Variants in CABLES1 observed in about 807,000 individuals in gnomAD.
CABLES1 encodes the protein Cdk5 and Abl enzyme substrate 1, also known as CDK5 and ABL1 enzyme substrate 1.
A neutral mutation model predicts 57.8 loss-of-function variants in CABLES1; 36 were observed. The observed-to-expected ratio is 0.62, with a 90% CI of 0.48 to 0.82. The LOEUF is 0.82. Ranked by LOEUF, CABLES1 falls within the 40% of genes least tolerant of loss-of-function variation. The probability of loss-of-function intolerance (pLI) is 0.00; values close to 1 mark genes in which losing one functional copy is unlikely to be tolerated. For synonymous variants in CABLES1, 374 were observed against 363.0 expected, an observed-to-expected ratio of 1.03 and a Z score of -0.35; for missense variants, 767 against 836.6, an observed-to-expected ratio of 0.92 and a Z score of 1.03.
chr18:23,192,276 G>A (rs561865836), intron 2 of CABLES1, among the ~76,000 whole-genome samples: 2 of 152,364 alleles, frequency 1.3e-5, no homozygotes, highest in Admixed American at 1.3e-4. Flanking sequence ...ATCGGCACCT[G>A]CCCTGGTTTT....
intron 7 of CABLES1, among the ~76,000 whole-genome samples, chr18:23,248,532 TTTTTTTAAA>T (rs1400699507): frequency 1.5e-5 from 2 of 137,248 alleles, no homozygotes; most frequent in Admixed American, 8.4e-5. Context: ...TTTTTTTTTT[TTTTTTTAAA>T]AAAAGGCTGG....
chr18:23,169,911 G>GT (rs2047070465), intron 1 of CABLES1, among the ~76,000 whole-genome samples: 1 of 152,160 alleles, frequency 6.6e-6, no homozygotes, highest in East Asian at 1.9e-4. Context: ...CCGCCACTGT[G>GT]TGGGGTCATG....
intron 9 of CABLES1, among the ~76,000 whole-genome samples, chr18:23,254,824 A>AATCAC (rs2048123412): frequency 2.6e-5 from 4 of 152,160 alleles, no homozygotes; most frequent in Non-Finnish European, 5.9e-5. Flanking sequence ...CAAAGGCCCC[A>AATCAC]TCTCCTAATA....
At chr18:23,219,643 G>A (rs183995010) in intron 4 of CABLES1, among the ~76,000 whole-genome samples, 47 of 152,314 alleles carry the variant, frequency 3.1e-4, no homozygotes, top group Admixed American at 1.7e-3. Context: ...ACAGGAGTGA[G>A]CTCTGACATA....
intron 7 of CABLES1, among the ~76,000 whole-genome samples, chr18:23,246,539 C>T (rs1340443651): frequency 2.0e-5 from 3 of 151,848 alleles, no homozygotes; most frequent in South Asian, 2.1e-4. Flanking sequence ...CTACAGGCAC[C>T]CGCCACCACA....
chr18:23,147,555 G>T (rs1269106985), intron 1 of CABLES1, among the ~76,000 whole-genome samples: 1 of 152,192 alleles, frequency 6.6e-6, no homozygotes, highest in Non-Finnish European at 1.5e-5. Context: ...GACAAGGTCT[G>T]CTCTGATCGT....
chr18:23,235,157 C>T (rs1310734070), intron 5 of CABLES1, among the ~76,000 whole-genome samples: 4 of 152,154 alleles, frequency 2.6e-5, no homozygotes, highest in Admixed American at 6.5e-5. Context: ...CCACATGCAA[C>T]GAGTCGTGGG....
At chr18:23,236,759 G>A (rs369475030) in intron 6 of CABLES1, among the ~76,000 whole-genome samples, 2 of 152,294 alleles carry the variant, frequency 1.3e-5, no homozygotes, top group African/African-American at 2.4e-5. Context: ...GCACCAAATC[G>A]TGCTGCACAG....
intron 1 of CABLES1, among the ~76,000 whole-genome samples, chr18:23,169,716 A>G (rs1015538670): frequency 3.0e-4 from 45 of 152,376 alleles, no homozygotes; most frequent in Non-Finnish European, 3.5e-4. Context: ...TTTCTAACAC[A>G]GCAGCAGAAA....
At chr18:23,237,972 G>A (rs1007214641) in intron 7 of CABLES1, among the ~76,000 whole-genome samples, 1 of 151,928 alleles carries the variant, frequency 6.6e-6, no homozygotes, top group East Asian at 1.9e-4. Flanking sequence ...GATTGGCCAG[G>A]CCTGCCATGC....
At chr18:23,243,529 A>G (rs559098604) in intron 7 of CABLES1, among the ~76,000 whole-genome samples, 1 of 146,170 alleles carries the variant, frequency 6.8e-6, no homozygotes, top group South Asian at 2.1e-4. Flanking sequence ...TAGAATTCCA[A>G]CACCATACAA....
chr18:23,144,167 C>T (rs942419521), intron 1 of CABLES1, among the ~76,000 whole-genome samples: 1 of 152,234 alleles, frequency 6.6e-6, no homozygotes, highest in Non-Finnish European at 1.5e-5. Context: ...CCTCTTCCTT[C>T]CCTGTGGATC....
chr18:23,225,863 G>C (rs1374190024), intron 4 of CABLES1, among the ~76,000 whole-genome samples: 1 of 152,230 alleles, frequency 6.6e-6, no homozygotes, highest in Non-Finnish European at 1.5e-5. Flanking sequence ...TAAACAGCTT[G>C]TCCAACACTT....
In CABLES1 at chr18:23,259,145, G is replaced by A. The variant is rs2048235400; in HGVS notation, c.*1778G>A. 1 of 152,260 alleles carries A rather than the reference G, an allele frequency of 6.6e-6. No individual in the cohort carries two copies. Among genetic ancestry groups the A allele is most frequent in the South Asian group, 2.1e-4 (1 of 4,832 alleles). 9.4% of individuals were successfully genotyped at this position (152,260 alleles called of 1,614,324 possible). ...GCCTCCATCGCCTGAACTACAAAAT[G>A]CCCTTGGCCTTCCTCACATGGGGTC... On this transcript the variant is annotated 3_prime_UTR_variant, in exon 10 of 10. Coordinates refer to ENST00000256925, the MANE Select transcript of CABLES1 (RefSeq NM_001100619.3).
At chr18:23,225,844 C>G (rs1323418310) in intron 4 of CABLES1, among the ~76,000 whole-genome samples, 1 of 152,204 alleles carries the variant, frequency 6.6e-6, no homozygotes, top group African/African-American at 2.4e-5. Context: ...ATAGGCAGAC[C>G]CCACTTAGTA....
At chr18:23,253,518 G>A (rs951271384) in intron 8 of CABLES1, among the ~76,000 whole-genome samples, 2 of 152,076 alleles carry the variant, frequency 1.3e-5, no homozygotes, top group African/African-American at 4.8e-5. Context: ...TGTTTTATAC[G>A]ACCTGACCAA....
intron 1 of CABLES1, among the ~76,000 whole-genome samples, chr18:23,184,576 A>G (rs1008225512): frequency 1.3e-5 from 2 of 151,834 alleles, no homozygotes; most frequent in African/African-American, 2.4e-5. Context: ...GGTCGCGCGC[A>G]CCTGTAATCC....
In CABLES1 at chr18:23,147,203, CCTT is replaced by C. The variant is rs1484951068; in HGVS notation, c.845+10604_845+10606del. On this transcript the variant is annotated intron_variant, in intron 1 of 9. Coordinates refer to ENST00000256925, the MANE Select transcript of CABLES1 (RefSeq NM_001100619.3). The stretch of plus-strand genomic sequence containing the variant: ...CAGTTCCTCCCGCAGGGAGTAAGCT[CCTT>C]CTTCTTCCTGCACCCCTGCCGCTAG... Among the ~76,000 whole-genome samples, 4 of 152,232 alleles carry C rather than the reference CCTT, an allele frequency of 2.6e-5. No homozygotes were observed. In the East Asian group the frequency reaches 5.8e-4, roughly 22 times the overall value.
intron 1 of CABLES1, among the ~76,000 whole-genome samples, chr18:23,161,623 A>G (rs922847165): frequency 1.3e-5 from 2 of 151,038 alleles, no homozygotes; most frequent in African/African-American, 4.9e-5. Context: ...TAAAAATGAT[A>G]ATCGGGGCCG....
Sources: gnomAD v4.1 joint callset for allele counts (sites outside exome capture counted in the v4.1 genomes callset) on GRCh38, gnomAD v4.1.1 for gene constraint, MANE v1.5 for transcripts, NCBI Gene and HGNC (gene_info 2026-07-23, HGNC 2026-07-21) for gene names.